Variants in IPPK observed in about 807,000 individuals in gnomAD.
The protein encoded by IPPK is inositol-pentakisphosphate 2-kinase.
IPPK carries 22 observed loss-of-function variants against 64.6 expected under a neutral mutation model. That is an observed-to-expected ratio of 0.34 (90% CI 0.24 to 0.49). IPPK has a LOEUF of 0.49. IPPK is among the 20% of genes least tolerant of loss of function. IPPK has a pLI of 0.99. For synonymous variants in IPPK, 262 were observed against 247.2 expected, an observed-to-expected ratio of 1.06 and a Z score of -0.56; for missense variants, 532 against 630.7, an observed-to-expected ratio of 0.84 and a Z score of 1.68.
At position 92,615,883 on chromosome 9, in the gene IPPK, C is replaced by A. The variant is rs373920364; in HGVS notation, c.1425G>T (p.Ser475=). The A allele has an allele frequency of 3.1e-6, 5 of 1,614,150 alleles. No individual in the cohort carries two copies. The highest frequency in any genetic ancestry group is 1.1e-5 in the South Asian group (1 of 91,056). The change falls in exon 13 of 13, where the codon TCG becomes TCT. Residue 475 remains serine, a synonymous_variant. Coordinates refer to ENST00000287996, the MANE Select transcript of IPPK (RefSeq NM_022755.6). ...AATCTTCGCTTTCCTTGAACCGAGT[C>A]GACATCACGGCGTTGTCTTTGGCAC... ...TVRAKDNAVM[S]TRFKESEDCT...
intron 6 of IPPK, among the ~76,000 whole-genome samples, chr9:92,646,256 A>C (rs1276598698): frequency 6.6e-6 from 1 of 152,252 alleles, no homozygotes; most frequent in Admixed American, 6.5e-5. Flanking sequence ...GGCTTGAACA[A>C]CACTATGAAC....
chr9:92,615,952 A>G lies in IPPK; in HGVS notation c.1356T>C (p.Tyr452=). 6.2e-7 allele frequency: 1 copy of G among 1,614,164 alleles called. No individual in the cohort carries two copies. Among genetic ancestry groups the G allele is most frequent in the South Asian group, 1.1e-5 (1 of 91,078 alleles). Residue 452 remains tyrosine, a synonymous_variant, in exon 13 of 13, where the codon TAT becomes TAC. Transcript: ENST00000287996. ...LKPYESIPHQ[Y]KLDGKIVNYY... ...AGTTGACGATCTTGCCGTCCAGTTT[A>G]TACTGATGGGGAATGCTCTCGTAGG...
At chr9:92,637,980 C>T in intron 9 of IPPK, 21 bp downstream of exon 9, 1 of 1,522,984 alleles carries the variant, frequency 6.6e-7, no homozygotes, top group Non-Finnish European at 8.8e-7. Flanking sequence ...CACCGCCTAC[C>T]TGGGGAAGGC....
At chr9:92,659,954 T>A (rs1852448667) in intron 1 of IPPK, among the ~76,000 whole-genome samples, 2 of 151,798 alleles carry the variant, frequency 1.3e-5, no homozygotes, top group African/African-American at 2.4e-5. Flanking sequence ...GAAGCCAAGA[T>A]CAATGGCATG....
At position 92,619,612 on chromosome 9, in the gene IPPK, G is replaced by GC. The variant is rs540889300; in HGVS notation, c.1171-48dup. 846 of 1,482,702 alleles carry GC rather than the reference G, an allele frequency of 5.7e-4. 1 individual carries two copies. The highest frequency in any genetic ancestry group is 3.1e-3 in the Admixed American group (156 of 50,946). 91.8% of individuals were successfully genotyped at this position (1,482,702 alleles called of 1,614,324 possible). On this transcript the variant is annotated intron_variant, in intron 11 of 12. Coordinates refer to ENST00000287996, the MANE Select transcript of IPPK (RefSeq NM_022755.6). The stretch of plus-strand genomic sequence containing the variant: ...GCTCCAGGTCACACAGGAAGCCTCT[G>GC]CCCCCCCACACAACCTTCCTTCCCA...
At chr9:92,622,982 CCAA>C (rs1385026129) in intron 11 of IPPK, among the ~76,000 whole-genome samples, 1 of 152,048 alleles carries the variant, frequency 6.6e-6, no homozygotes, top group Admixed American at 6.5e-5. Context: ...AGACAGTCAC[CCAA>C]CAAAATGTGA....
chr9:92,635,035 G>T lies in IPPK; in HGVS notation c.1067+123C>A. 1.1e-6 allele frequency: 1 copy of T among 916,522 alleles called. No homozygotes were observed. Among genetic ancestry groups the T allele is most frequent in the Non-Finnish European group, 1.6e-6 (1 of 610,980 alleles). 56.8% of individuals were successfully genotyped at this position (916,522 alleles called of 1,614,324 possible). A position where few individuals can be genotyped will look rare whatever the true frequency, so the allele number is the denominator to read the frequency against. On this transcript the variant is annotated intron_variant, in intron 10 of 12. Coordinates refer to ENST00000287996, the MANE Select transcript of IPPK (RefSeq NM_022755.6). The surrounding 1 kb of genome is among the most constrained non-coding windows in gnomAD (Gnocchi z 4.4). Reference sequence around the variant, plus strand: ...GGGCACCTGGGAGCGGAGGACTGGGGTAGGAAGTGGCCGGCATGCTTCATC... The same window carrying T: ...GGGCACCTGGGAGCGGAGGACTGGGTTAGGAAGTGGCCGGCATGCTTCATC...
At chr9:92,642,644 T>TTCCCTGCC in intron 7 of IPPK, 108 bp downstream of exon 7, 1 of 922,942 alleles carries the variant, frequency 1.1e-6, no homozygotes, top group Non-Finnish European at 1.8e-6. Context: ...GAACAGGGCC[T>TTCCCTGCC]TCCCTGCCTT....
intron 3 of IPPK, 76 bp downstream of exon 3, chr9:92,656,380 C>G: frequency 1.1e-6 from 1 of 933,176 alleles, no homozygotes; most frequent in Non-Finnish European, 1.8e-6. Flanking sequence ...GCACAAAGTT[C>G]CAAAGATCAC....
intron 7 of IPPK, among the ~76,000 whole-genome samples, chr9:92,641,606 G>A (rs896691265): frequency 3.9e-5 from 6 of 152,250 alleles, no homozygotes; most frequent in Non-Finnish European, 7.3e-5. Flanking sequence ...AAGCCATGGA[G>A]TGAGCGGTGT....
intron 2 of IPPK, among the ~76,000 whole-genome samples, chr9:92,657,989 C>T (rs527885431): frequency 1.3e-5 from 2 of 152,334 alleles, no homozygotes; most frequent in South Asian, 4.1e-4. Flanking sequence ...CAGGAGCTCA[C>T]CCCCAGCTCA....
At chr9:92,631,959 A>G (rs1851853921) in intron 11 of IPPK, among the ~76,000 whole-genome samples, 1 of 152,212 alleles carries the variant, frequency 6.6e-6, no homozygotes, top group African/African-American at 2.4e-5. Flanking sequence ...AGGATGTTAT[A>G]CACACAGAAT....
Position 92,638,103 on chromosome 9 carries a change from C to A in IPPK, c.814G>T (p.Gly272Cys). Reference protein sequence around the residue: ...VHVITRVLLSGSDKGRAGTLS... With the variant: ...VHVITRVLLSCSDKGRAGTLS... ...GTGCCTGCCCGGCCCTTGTCCGAGC[C>A]ACTCAGCAGCACCCGTGTGATCACG... Residue 272 changes from glycine (G) to cysteine (C), a missense_variant, in exon 9 of 13, where the codon GGC (glycine) becomes TGC (cysteine). Transcript: ENST00000287996. 6.2e-7 allele frequency: 1 copy of A among 1,613,982 alleles called. No individual in the cohort carries two copies. The highest frequency in any genetic ancestry group is 8.5e-7 in the Non-Finnish European group (1 of 1,179,964).
At chr9:92,652,536 A>C in intron 4 of IPPK, 37 bp downstream of exon 4, 1 of 1,148,774 alleles carries the variant, frequency 8.7e-7, no homozygotes, top group South Asian at 1.5e-5. Context: ...GGAATATTTT[A>C]AATTACAAAC....
At chr9:92,634,967 C>G (rs1851911507) in intron 10 of IPPK, among the ~76,000 whole-genome samples, 191 bp downstream of exon 10, 2 of 152,238 alleles carry the variant, frequency 1.3e-5, no homozygotes, top group Non-Finnish European at 2.9e-5. Flanking sequence ...AAACAAGTGA[C>G]CCTGTTCCTC....
chr9:92,636,345 T>C (rs571453770), intron 9 of IPPK, among the ~76,000 whole-genome samples: 1 of 152,258 alleles, frequency 6.6e-6, no homozygotes, highest in Admixed American at 6.5e-5. Context: ...AAGAACAAAA[T>C]GCATGTGATC....
intron 9 of IPPK, among the ~76,000 whole-genome samples, chr9:92,636,554 T>C (rs952398168): frequency 5.3e-5 from 8 of 152,118 alleles, no homozygotes; most frequent in African/African-American, 1.9e-4. Context: ...GGCAGGAAGA[T>C]CACTTGAGCC....
intron 2 of IPPK, among the ~76,000 whole-genome samples, chr9:92,657,522 C>T (rs1852397865): frequency 6.6e-6 from 1 of 152,168 alleles, no homozygotes; most frequent in African/African-American, 2.4e-5. Context: ...CCACAGATGC[C>T]AGGCCTTGGG....
chr9:92,661,116 C>T (rs1852473695), intron 1 of IPPK, among the ~76,000 whole-genome samples: 1 of 152,240 alleles, frequency 6.6e-6, no homozygotes, highest in Non-Finnish European at 1.5e-5. Context: ...CACTCCTAAA[C>T]TCCATCATCT....
Sources: gnomAD v4.1 joint callset for allele counts (sites outside exome capture counted in the v4.1 genomes callset) on GRCh38, gnomAD v4.1.1 for gene constraint, Gnocchi (gnomAD v3.1) non-coding constraint, MANE v1.5 for transcripts, NCBI Gene and HGNC (gene_info 2026-07-23, HGNC 2026-07-21) for gene names.